Variants in ARMC8 observed in about 807,000 individuals in gnomAD.
The protein encoded by ARMC8 is armadillo repeat-containing protein 8.
ARMC8 carries 20 observed loss-of-function variants against 99.3 expected under a neutral mutation model. The observed-to-expected ratio is 0.20, with a 90% CI of 0.14 to 0.29. The LOEUF is 0.29. Ranked by LOEUF, ARMC8 falls within the 10% of genes least tolerant of loss-of-function variation. ARMC8 has a pLI of 1.00. For synonymous variants in ARMC8, 263 were observed against 278.3 expected (o/e 0.95, Z 0.55); for missense variants, 569 against 809.5 (o/e 0.70, Z 3.60).
intron 18 of ARMC8, among the ~76,000 whole-genome samples, chr3:138,275,057 A>G (rs2049146161): frequency 6.6e-6 from 1 of 152,198 alleles, no homozygotes. Context: ...GTATTAAAGT[A>G]CGAAGCTGTG....
At position 138,198,600 on chromosome 3, in the gene ARMC8, C is replaced by T. The variant is rs182372588; in HGVS notation, c.45+11001C>T. ...CCGTCTCGGCTCACTGCAACCTCCG[C>T]CTCCCGGGTTCAAGTGATTCTCCTG... On this transcript the variant is annotated intron_variant, in intron 1 of 21. Transcript: ENST00000469044. Among the ~76,000 whole-genome samples the T allele has an allele frequency of 8.6e-3, 1,304 of 152,054 alleles. 21 individuals are homozygous for T. The highest frequency in any genetic ancestry group is 0.03 in the African/African-American group (1,247 of 41,468).
intron 18 of ARMC8, among the ~76,000 whole-genome samples, chr3:138,278,894 T>C (rs1447319916): frequency 1.3e-5 from 2 of 152,246 alleles, no homozygotes; most frequent in African/African-American, 4.8e-5. Flanking sequence ...GTCAGTCTTG[T>C]ATCCTGCATT....
Position 138,223,654 on chromosome 3 carries a change from T to A in ARMC8, c.356T>A (p.Leu119Gln). ...TTAATAGGACTACTGTCCCCAGACCTGAAGTTTATTGAAGCTTGCCTCCGA... is the reference window on the plus strand; with the variant it reads ...TTAATAGGACTACTGTCCCCAGACCAGAAGTTTATTGAAGCTTGCCTCCGA... ...ALLQGLLSPD[L>Q]KFIEACLRCL... Residue 119 changes from leucine (L) to glutamine (Q), a missense_variant, in exon 5 of 22, where the codon CTG becomes CAG. This residue lies in a region of ARMC8 where 342 missense variants were observed against 391.6 expected (regional missense o/e 0.87). Transcript: ENST00000469044. The A allele has an allele frequency of 6.2e-7, 1 of 1,614,216 alleles. No homozygotes were observed.
intron 19 of ARMC8, among the ~76,000 whole-genome samples, chr3:138,288,188 G>C (rs1194356043): frequency 6.6e-6 from 1 of 152,192 alleles, no homozygotes; most frequent in Non-Finnish European, 1.5e-5. Context: ...GCCATTTATA[G>C]ATTGTGTGTG....
chr3:138,289,338 C>A (rs1444152362), intron 20 of ARMC8, among the ~76,000 whole-genome samples: 1 of 152,082 alleles, frequency 6.6e-6, no homozygotes, highest in East Asian at 1.9e-4. Flanking sequence ...AACTCTATAC[C>A]AGATTCAAGG....
At chr3:138,191,455 C>G (rs2043377281) in intron 1 of ARMC8, among the ~76,000 whole-genome samples, 1 of 152,188 alleles carries the variant, frequency 6.6e-6, no homozygotes, top group Non-Finnish European at 1.5e-5. Flanking sequence ...CCCAGTTTCC[C>G]TCATAGGTTA....
chr3:138,215,886 AG>A (rs998054575), intron 2 of ARMC8, among the ~76,000 whole-genome samples: 4 of 151,342 alleles, frequency 2.6e-5, no homozygotes, highest in African/African-American at 9.7e-5. Flanking sequence ...TTTGAGACAG[AG>A]TCTTGCTCTG....
chr3:138,210,863 A>C (rs1233190329), intron 2 of ARMC8, among the ~76,000 whole-genome samples: 1 of 152,070 alleles, frequency 6.6e-6, no homozygotes, highest in Admixed American at 6.6e-5. Context: ...GGGAGGTAAA[A>C]TAAAAGTGCT....
chr3:138,230,117 C>T (rs1265895950), intron 6 of ARMC8, among the ~76,000 whole-genome samples: 1 of 152,200 alleles, frequency 6.6e-6, no homozygotes, highest in African/African-American at 2.4e-5. Context: ...TGAAGTTTCT[C>T]TTCTTGGATT....
intron 2 of ARMC8, among the ~76,000 whole-genome samples, chr3:138,217,401 C>CTTTTTTTTTT (rs753393123): frequency 7.4e-6 from 1 of 135,938 alleles, no homozygotes; most frequent in Non-Finnish European, 1.6e-5. Flanking sequence ...GGTCTAGATC[C>CTTTTTTTTTT]TTTTTTTTTT....
At chr3:138,216,919 A>G (rs1165078295) in intron 2 of ARMC8, among the ~76,000 whole-genome samples, 1 of 152,228 alleles carries the variant, frequency 6.6e-6, no homozygotes, top group African/African-American at 2.4e-5. Flanking sequence ...TGTTTCAGTT[A>G]AAGACAGTTA....
chr3:138,213,746 A>T (rs545340480), intron 2 of ARMC8, among the ~76,000 whole-genome samples: 1 of 152,156 alleles, frequency 6.6e-6, no homozygotes, highest in Non-Finnish European at 1.5e-5. Flanking sequence ...AAGAAGAAGA[A>T]CTCTTCATAT....
intron 11 of ARMC8, among the ~76,000 whole-genome samples, chr3:138,243,545 G>A (rs1380619714): frequency 1.3e-5 from 2 of 152,126 alleles, no homozygotes; most frequent in African/African-American, 4.8e-5. Context: ...TGAGTATTCT[G>A]TATTGGGAAG....
chr3:138,203,139 G>T (rs970908244), intron 1 of ARMC8, among the ~76,000 whole-genome samples: 1 of 151,982 alleles, frequency 6.6e-6, no homozygotes, highest in Non-Finnish European at 1.5e-5. Context: ...ACAAAAGGTG[G>T]GATTGATTAC....
chr3:138,223,463 T>A lies in ARMC8; in HGVS notation c.269T>A (p.Leu90His). 1 of 1,614,208 alleles carries A rather than the reference T, an allele frequency of 6.2e-7. No individual in the cohort carries two copies. The highest frequency in any genetic ancestry group is 8.5e-7 in the Non-Finnish European group (1 of 1,180,032). The stretch of plus-strand genomic sequence containing the variant: ...GAATGTGCAGTGGTGTTGGGAAGTC[T>A]TGCTATGGGTACTGAAAACAATGTC... ...KTECAVVLGS[L>H]AMGTENNVKS... The change falls in exon 4 of 22, where the codon CTT (leucine) becomes CAT (histidine). Residue 90 changes from leucine to histidine, a missense_variant. Physicochemically the swap from Leu to His is moderately conservative, Grantham distance 99. Around this residue, in one of 2 missense-constraint regions of ARMC8, gnomAD observed 342 missense variants for 391.6 expected, o/e 0.87. Coordinates refer to ENST00000469044, the MANE Select transcript of ARMC8 (RefSeq NM_001363941.2).
chr3:138,270,524 T>C (rs751656899), intron 16 of ARMC8, among the ~76,000 whole-genome samples: 6 of 152,202 alleles, frequency 3.9e-5, no homozygotes, highest in Non-Finnish European at 7.4e-5. Context: ...CCATACTTTA[T>C]AGATGAAGTA....
At chr3:138,192,724 G>A (rs553340884) in intron 1 of ARMC8, among the ~76,000 whole-genome samples, 23 of 151,700 alleles carry the variant, frequency 1.5e-4, no homozygotes, top group Admixed American at 3.9e-4. Context: ...CCATGTAGAC[G>A]GGGTTTCACC....
At chr3:138,258,929 C>T (rs2047531793) in intron 12 of ARMC8, among the ~76,000 whole-genome samples, 1 of 152,208 alleles carries the variant, frequency 6.6e-6, no homozygotes, top group South Asian at 2.1e-4. Flanking sequence ...TAACAGAGGG[C>T]ACTGTCTCTT....
intron 1 of ARMC8, among the ~76,000 whole-genome samples, chr3:138,201,388 T>A (rs2044058133): frequency 6.6e-6 from 1 of 150,852 alleles, no homozygotes; most frequent in South Asian, 2.1e-4. Context: ...TTTAGAGCTC[T>A]TGCATATGTT....
Sources: allele counts gnomAD v4.1 joint callset (sites outside exome capture counted in the v4.1 genomes callset), GRCh38; gene constraint gnomAD v4.1.1; regional missense constraint gnomAD v4.1.1; transcripts MANE v1.5; gene names NCBI Gene and HGNC (gene_info 2026-07-23, HGNC 2026-07-21).